Variants in TNFRSF10D observed in about 807,000 individuals in gnomAD.
The protein encoded by TNFRSF10D is TNF receptor superfamily member 10d.
TNFRSF10D carries 28 observed loss-of-function variants against 42.1 expected under a neutral mutation model. That is an observed-to-expected ratio of 0.66 (90% CI 0.49 to 0.91). The LOEUF is 0.91. Ranked by LOEUF, TNFRSF10D falls within the 40% of genes least tolerant of loss-of-function variation. The pLI, the probability that TNFRSF10D is intolerant of heterozygous loss-of-function variation, is 0.00. For missense variants in TNFRSF10D, 503 were observed against 486.1 expected (o/e 1.03, Z -0.33); for synonymous variants, 186 against 189.4 (o/e 0.98, Z 0.15).
intron 7 of TNFRSF10D, among the ~76,000 whole-genome samples, chr8:23,141,175 A>G (rs1003516725): frequency 5.3e-5 from 8 of 152,212 alleles, no homozygotes; most frequent in African/African-American, 1.7e-4. Context: ...GTCAAGTGGC[A>G]TCTAATTGAA....
At chr8:23,159,125 TG>T (rs1291124029) in intron 1 of TNFRSF10D, among the ~76,000 whole-genome samples, 899 of 152,056 alleles carry the variant, frequency 5.9e-3, no homozygotes, top group African/African-American at 0.018. Context: ...CTGTGGTTTT[TG>T]GTTTTATTTT....
Position 23,163,837 on chromosome 8 carries a change from C to T in TNFRSF10D, c.99G>A (p.Leu33=). ...RTASGTRPWL[L]DPKILKFVVF... ...CGACGAACTTAAGGATCTTGGGGTC[C>T]AGGAGCCATGGTCTGGTTCCCGACG... Residue 33 remains leucine, a synonymous_variant, in exon 1 of 9, where the codon CTG becomes CTA. Transcript: ENST00000312584. The T allele has an allele frequency of 1.2e-6, 2 of 1,608,016 alleles. No individual in the cohort carries two copies. The highest frequency in any genetic ancestry group is 8.5e-7 in the Non-Finnish European group (1 of 1,178,076).
At chr8:23,143,966 T>C (rs1800070666) in intron 7 of TNFRSF10D, among the ~76,000 whole-genome samples, 1 of 152,254 alleles carries the variant, frequency 6.6e-6, no homozygotes, top group African/African-American at 2.4e-5. Context: ...GTTTCTGTAA[T>C]ACAAAAGCAC....
intron 1 of TNFRSF10D, among the ~76,000 whole-genome samples, chr8:23,158,167 C>T (rs1223022479): frequency 4.6e-5 from 7 of 151,954 alleles, no homozygotes; most frequent in Non-Finnish European, 8.8e-5. Context: ...TGTTCTAAAG[C>T]TTTTTTAATA....
chr8:23,149,756 C>G (rs1372713288), intron 2 of TNFRSF10D, among the ~76,000 whole-genome samples: 7 of 152,068 alleles, frequency 4.6e-5, no homozygotes. Flanking sequence ...CTCTGCACAA[C>G]TATCCCTGTC....
chr8:23,150,409 T>C (rs1263348567), intron 2 of TNFRSF10D, among the ~76,000 whole-genome samples: 26 of 152,182 alleles, frequency 1.7e-4, no homozygotes, highest in Admixed American at 1.7e-3. Flanking sequence ...GTGAAGGGCG[T>C]TCCCTGACAA....
At position 23,144,611 on chromosome 8, in the gene TNFRSF10D, G is replaced by A. The variant is rs78332874; in HGVS notation, c.793C>T (p.Pro265Ser). The A allele has an allele frequency of 2.0e-3, 3,157 of 1,613,928 alleles. 11 individuals carry two copies. The African/African-American group carries it at 0.037, about 19-fold the overall frequency. Residue 265 changes from proline to serine, a missense_variant, in exon 7 of 9, where the codon CCT becomes TCT. Transcript: ENST00000312584. ...HRVLFRRRSCPSRVPGAEDNA... is the reference protein window; with the variant it reads ...HRVLFRRRSCSSRVPGAEDNA... ...TCCTCCGCCCCAGGAACTCGTGAAG[G>A]ACATGAACGCCGCCGGAAAAGGACC...
chr8:23,139,467 TGGAA>T (rs1330790881), intron 7 of TNFRSF10D, among the ~76,000 whole-genome samples: 7 of 152,218 alleles, frequency 4.6e-5, no homozygotes, highest in Non-Finnish European at 8.8e-5. Context: ...TGAAAAAGTA[TGGAA>T]GAGGTGTTTG....
chr8:23,138,911 C>A (rs180802589), intron 7 of TNFRSF10D, among the ~76,000 whole-genome samples: 4 of 152,036 alleles, frequency 2.6e-5, no homozygotes, highest in African/African-American at 9.7e-5. Flanking sequence ...ACTTTGGAGG[C>A]CTTCCCCAGA....
intron 6 of TNFRSF10D, 35 bp from the exon 7 acceptor site, chr8:23,144,670 C>T (rs372952256): frequency 1.3e-6 from 2 of 1,596,746 alleles, no homozygotes; most frequent in Non-Finnish European, 8.5e-7. Flanking sequence ...AAGTCCACAC[C>T]CCGGGCTCAG....
At chr8:23,146,793 C>T (rs899057732) in intron 4 of TNFRSF10D, among the ~76,000 whole-genome samples, 168 bp downstream of exon 4, 2 of 152,014 alleles carry the variant, frequency 1.3e-5, no homozygotes, top group African/African-American at 4.8e-5. Context: ...GGGGTGGGGA[C>T]AGGCAGATGG....
chr8:23,155,718 C>A (rs533938488), intron 1 of TNFRSF10D, among the ~76,000 whole-genome samples: 12 of 149,228 alleles, frequency 8.0e-5, no homozygotes, highest in Middle Eastern at 3.4e-3. Context: ...AAACAAAAAA[C>A]AAAAAACAAA....
At position 23,136,303 on chromosome 8, in the gene TNFRSF10D, G is replaced by A. The variant is rs185720595; in HGVS notation, c.*1567C>T. 1,390 of 229,548 alleles carry A rather than the reference G, an allele frequency of 6.1e-3. 1 individual carries two copies. The highest frequency in any genetic ancestry group is 0.022 in the South Asian group (377 of 17,530). The allele number at this position is 229,548 out of a possible 1,614,324, so 14.2% of individuals were successfully genotyped here. ...TAGATCCTGTTGTCACAGTGTTTAA[G>A]AATTGATATCTCTGAGATGAGTCAG... On this transcript the variant is annotated 3_prime_UTR_variant, in exon 9 of 9. Transcript: ENST00000312584.
rs1814361789 is a variant in TNFRSF10D, at chr8:23,137,821, T to G, written c.*49A>C. ...GTTTCTTCCAGGCTGCTTCCCTTTG[T>G]AGGAGAAAAGGTAAATGAGGGAAGC... On this transcript the variant is annotated 3_prime_UTR_variant, in exon 9 of 9. Coordinates refer to ENST00000312584, the MANE Select transcript of TNFRSF10D (RefSeq NM_003840.5). 5.1e-6 allele frequency: 8 copies of G among 1,581,494 alleles called. No homozygotes were observed. The highest frequency in any genetic ancestry group is 6.9e-6 in the Non-Finnish European group (8 of 1,166,600).
intron 2 of TNFRSF10D, among the ~76,000 whole-genome samples, chr8:23,149,669 C>T (rs1452478142): frequency 5.5e-3 from 828 of 151,880 alleles, no homozygotes; most frequent in African/African-American, 0.017. Context: ...GGCCCCGTCT[C>T]TGCTCGGTAT....
At position 23,136,146 on chromosome 8, in the gene TNFRSF10D, T is replaced by C; in HGVS notation, c.*1724A>G. The C allele has an allele frequency of 3.5e-6, 1 of 286,060 alleles. No homozygotes were observed. Among genetic ancestry groups the C allele is most frequent in the Non-Finnish European group, 7.0e-6 (1 of 143,498 alleles). 17.7% of individuals were successfully genotyped at this position (286,060 alleles called of 1,614,324 possible). ...AAAAGACTGAAACCCCTAGAATGAC[T>C]ATATCCGTAATTTATCCTACCACGA... On this transcript the variant is annotated 3_prime_UTR_variant, in exon 9 of 9. Transcript: ENST00000312584.
At chr8:23,141,785 G>A (rs190795849) in intron 7 of TNFRSF10D, among the ~76,000 whole-genome samples, 1 of 152,140 alleles carries the variant, frequency 6.6e-6, no homozygotes, top group Non-Finnish European at 1.5e-5. Flanking sequence ...CTCATACAGT[G>A]AGAATGGCGA....
chr8:23,163,089 C>CTCTTT (rs766517435), intron 1 of TNFRSF10D, among the ~76,000 whole-genome samples: 37 of 57,206 alleles, frequency 6.5e-4, no homozygotes, highest in South Asian at 2.8e-3. Flanking sequence ...GCCTGGCTAA[C>CTCTTT]TTTTTTTTTT....
intron 7 of TNFRSF10D, 39 bp downstream of exon 7, chr8:23,144,411 G>C (rs1309361798): frequency 1.9e-6 from 3 of 1,597,468 alleles, no homozygotes; most frequent in Non-Finnish European, 2.6e-6. Flanking sequence ...TCCTGTGCAG[G>C]CTGCACGCCA....
Sources: gnomAD v4.1 joint callset for allele counts (sites outside exome capture counted in the v4.1 genomes callset) on GRCh38, gnomAD v4.1.1 for gene constraint, MANE v1.5 for transcripts, NCBI Gene and HGNC (gene_info 2026-07-23, HGNC 2026-07-21) for gene names.